Variants in MID1 observed in about 807,000 individuals in gnomAD.
The protein encoded by MID1 is midline 1, also known as E3 ubiquitin-protein ligase Midline-1.
MID1 carries 7 observed loss-of-function variants against 40.4 expected under a neutral mutation model. The ratio of observed to expected loss-of-function variants is 0.17; its 90% confidence interval spans 0.10 to 0.33. MID1 has a LOEUF of 0.33. Among genes scored for constraint, MID1 ranks in the 10% least tolerant of loss-of-function variants. The pLI is 1.00. For missense variants in MID1, 367 were observed against 558.5 expected, an observed-to-expected ratio of 0.66 and a Z score of 3.46; for synonymous variants, 229 against 221.2, an observed-to-expected ratio of 1.04 and a Z score of -0.31.
chrX:10,558,447 G>A (rs1203685451), intron 2 of MID1, among the ~76,000 whole-genome samples: 1 of 113,019 alleles, frequency 8.8e-6, no homozygotes, highest in African/African-American at 3.2e-5. Flanking sequence ...CATCAATTCT[G>A]CACATGTCCA....
At chrX:10,651,889 A>G (rs1246743771) in intron 1 of MID1, among the ~76,000 whole-genome samples, 2 of 111,216 alleles carry the variant, frequency 1.8e-5, no homozygotes, top group Admixed American at 9.5e-5. Flanking sequence ...CTGCCTCCCA[A>G]TGTGCTCGGA....
chrX:10,795,552 C>A lies in MID1; in HGVS notation c.-187+38002G>T, dbSNP rs568400376. Among the ~76,000 whole-genome samples the A allele has an allele frequency of 2.6e-4, 29 of 112,123 alleles. No homozygotes were observed. In the South Asian group the frequency reaches 0.011, roughly 42 times the overall value. ...AACAACCAGGGCCTACAAATAATTG[C>A]CTCTGAGACTCGGCATTATTTTCAG... On this transcript the variant is annotated intron_variant, in intron 1 of 10. Transcript: ENST00000380785.
At chrX:10,613,043 T>A (rs1602470003) in intron 1 of MID1, among the ~76,000 whole-genome samples, 1 of 111,859 alleles carries the variant, frequency 8.9e-6, no homozygotes, top group East Asian at 2.8e-4. Context: ...GGTGGTGCCG[T>A]CCATCTATAT....
intron 1 of MID1, among the ~76,000 whole-genome samples, chrX:10,608,925 G>C (rs1408532226): frequency 8.9e-6 from 1 of 111,922 alleles, no homozygotes; most frequent in Non-Finnish European, 1.9e-5. Context: ...AGTATAAGGT[G>C]TGTAACATTG....
chrX:10,600,462 T>C (rs1602457510), intron 1 of MID1, among the ~76,000 whole-genome samples: 1 of 111,981 alleles, frequency 8.9e-6, no homozygotes, highest in Admixed American at 9.5e-5. Context: ...GATATTTGGA[T>C]ACTTGGGGGT....
intron 1 of MID1, among the ~76,000 whole-genome samples, chrX:10,738,346 C>T (rs1225127581): frequency 9.0e-6 from 1 of 111,617 alleles, no homozygotes; most frequent in Non-Finnish European, 1.9e-5. Context: ...CAGCAGTTCT[C>T]ATTGCCTTTC....
chrX:10,781,533 A>G (rs1241678348), intron 1 of MID1, among the ~76,000 whole-genome samples: 1 of 112,216 alleles, frequency 8.9e-6, no homozygotes, highest in Non-Finnish European at 1.9e-5. Context: ...ATCATATGAC[A>G]TTAATTCATT....
At chrX:10,759,538 TCTGCTCAC>T (rs1449766551) in intron 1 of MID1, among the ~76,000 whole-genome samples, 14 of 111,052 alleles carry the variant, frequency 1.3e-4, no homozygotes, top group African/African-American at 4.6e-4. Flanking sequence ...TGCTTCTTCC[TCTGCTCAC>T]CTGGAGCGCC....
chrX:10,704,721 T>TATATATATATATAC (rs1555916214), intron 1 of MID1, among the ~76,000 whole-genome samples: 16 of 77,831 alleles, frequency 2.1e-4, no homozygotes, highest in African/African-American at 1.0e-3. Context: ...TGTGTGTATA[T>TATATATATATATAC]ATATATATAT....
intron 1 of MID1, among the ~76,000 whole-genome samples, chrX:10,642,725 A>G (rs1044321860): frequency 9.0e-6 from 1 of 110,565 alleles, no homozygotes; most frequent in Non-Finnish European, 1.9e-5. Context: ...AAGCCAAAAG[A>G]ACAAAGCTGG....
intron 3 of MID1, among the ~76,000 whole-genome samples, chrX:10,515,810 T>C (rs1347760721): frequency 1.8e-5 from 2 of 112,291 alleles, no homozygotes; most frequent in South Asian, 3.7e-4. Flanking sequence ...TGTCAAGGTG[T>C]TGTATTTGCT....
rs189117765 is a variant in MID1 at position 10,543,966 on chromosome X, A to G, written c.661-20779T>C. ...GGTTGCAGTGAGCTGAGATCGTGCC[A>G]CTGCACTCCAGCCTGGGCAACAGAG... On this transcript the variant is annotated intron_variant, in intron 2 of 9. Coordinates refer to ENST00000317552, the MANE Select transcript of MID1 (RefSeq NM_000381.4). 5.1e-3 allele frequency among the ~76,000 whole-genome samples: 570 copies of G among 111,572 alleles called. 5 individuals are homozygous for G. The highest frequency in any genetic ancestry group is 0.018 in the African/African-American group (540 of 30,688).
At chrX:10,510,705 A>ATG (rs1451376056) in intron 3 of MID1, among the ~76,000 whole-genome samples, 1 of 106,388 alleles carries the variant, frequency 9.4e-6, no homozygotes, top group African/African-American at 3.5e-5. Flanking sequence ...GGTGGTGCAC[A>ATG]CTTGTAATCC....
chrX:10,782,541 G>A (rs2043854285), intron 1 of MID1, among the ~76,000 whole-genome samples: 1 of 111,780 alleles, frequency 8.9e-6, no homozygotes, highest in African/African-American at 3.3e-5. Context: ...GGCCAGTGTG[G>A]TCAGTGAACC....
intron 4 of MID1, among the ~76,000 whole-genome samples, chrX:10,483,107 G>A (rs944665423): frequency 1.8e-5 from 2 of 112,149 alleles, no homozygotes; most frequent in African/African-American, 6.5e-5. Context: ...TAATAAAATC[G>A]AGAATGGAAA....
At position 10,579,972 on chromosome X, in the gene MID1, AC is replaced by A. The variant is rs1934967359; in HGVS notation, c.-56-12370del. On this transcript the variant is annotated intron_variant, in intron 1 of 9. Coordinates refer to ENST00000317552, the MANE Select transcript of MID1 (RefSeq NM_000381.4). ...CGTCGGGACTGTGTGTCTGTACAGA[AC>A]AAAGCCGGGAGCCTTCTCGGAGAAA... Among the ~76,000 whole-genome samples, 5 of 110,667 alleles carry A rather than the reference AC, an allele frequency of 4.5e-5. No individual in the cohort carries two copies. In the South Asian group the frequency reaches 1.6e-3, roughly 35 times the overall value.
At position 10,450,617 on chromosome X, in the gene MID1, A is replaced by G. The variant is rs12010779; in HGVS notation, c.1656-901T>C. 2.7e-5 allele frequency among the ~76,000 whole-genome samples: 3 copies of G among 112,369 alleles called. No individual in the cohort carries two copies. In the South Asian group the frequency reaches 1.1e-3, roughly 41 times the overall value. On this transcript the variant is annotated intron_variant, in intron 9 of 9. Coordinates refer to ENST00000317552, the MANE Select transcript of MID1 (RefSeq NM_000381.4). ...CCACAAACACGAACTACATTCTACA[A>G]TGCCATCCGTAACCAGAAATTGTGC...
At chrX:10,500,916 A>G (rs1354302538) in intron 3 of MID1, among the ~76,000 whole-genome samples, 1 of 111,888 alleles carries the variant, frequency 8.9e-6, no homozygotes, top group Non-Finnish European at 1.9e-5. Flanking sequence ...AGATGAAGAT[A>G]ATTAGGAATG....
chrX:10,474,551 T>G (rs1929891316), intron 6 of MID1, 72 bp downstream of exon 6: 1 of 1,079,098 alleles, frequency 9.3e-7, no homozygotes, highest in African/African-American at 1.8e-5. Flanking sequence ...TATTGGGGAA[T>G]AACTGATCTG....
Sources: gnomAD v4.1 joint callset for allele counts (sites outside exome capture counted in the v4.1 genomes callset) on GRCh38, gnomAD v4.1.1 for gene constraint, MANE v1.5 for transcripts, NCBI Gene and HGNC (gene_info 2026-07-23, HGNC 2026-07-21) for gene names.